NAV2: variants seen among roughly 807,000 people sequenced by gnomAD.
NAV2 encodes the protein neuron navigator 2.
NAV2 carries 54 observed loss-of-function variants against 223.2 expected under a neutral mutation model. The observed-to-expected ratio is 0.24, with a 90% confidence interval of 0.19 to 0.30. The LOEUF (loss-of-function observed/expected upper bound fraction) is 0.30, where lower values mean the gene tolerates loss of function less well. Ranked by LOEUF, NAV2 falls within the 10% of genes least tolerant of loss-of-function variation. The pLI is 1.00. For missense variants in NAV2, 2,806 were observed against 3,147.5 expected (o/e 0.89, Z 2.60); for synonymous variants, 1,279 against 1,239.3 (o/e 1.03, Z -0.67).
In NAV2 at chr11:19,984,107, C is replaced by T. The variant is rs546423476; in HGVS notation, c.2646-18C>T. 70 of 1,613,890 alleles carry T rather than the reference C, an allele frequency of 4.3e-5. 2 individuals are homozygous for T. The South Asian group carries it at 7.2e-4, about 17-fold the overall frequency. On this transcript the variant is annotated intron_variant, in intron 10 of 37. Coordinates refer to ENST00000349880, the MANE Select transcript of NAV2 (RefSeq NM_145117.5). The stretch of plus-strand genomic sequence containing the variant: ...TGCTTTGGACATTCATGTGCATCAT[C>T]TTCTTCTCCTTTTAAAGATACATGA...
chr11:20,022,156 C>G (rs538272560), intron 11 of NAV2, among the ~76,000 whole-genome samples: 1 of 152,198 alleles, frequency 6.6e-6, no homozygotes. Flanking sequence ...CTTAATCCTT[C>G]GTTTTCAAAT....
intron 1 of NAV2, among the ~76,000 whole-genome samples, chr11:19,399,701 T>A (rs982470451): frequency 6.6e-6 from 1 of 152,248 alleles, no homozygotes; most frequent in Non-Finnish European, 1.5e-5. Flanking sequence ...TCATTTATGA[T>A]GAGAAAACTG....
intron 4 of NAV2, among the ~76,000 whole-genome samples, chr11:19,872,445 G>A (rs2062572259): frequency 6.6e-6 from 1 of 152,242 alleles, no homozygotes; most frequent in South Asian, 2.1e-4. Flanking sequence ...GGCCTGGTGT[G>A]TGCTACTGCA....
At chr11:19,586,113 A>G (rs113371309) in intron 1 of NAV2, among the ~76,000 whole-genome samples, 1,894 of 152,086 alleles carry the variant, frequency 0.012, 27 homozygotes, top group South Asian at 0.04. Flanking sequence ...TTCTCTTCTC[A>G]CTTCATTTCA....
intron 6 of NAV2, among the ~76,000 whole-genome samples, chr11:19,908,974 T>G (rs2043097679): frequency 1.3e-5 from 2 of 152,180 alleles, no homozygotes; most frequent in Admixed American, 1.3e-4. Flanking sequence ...ATGAGGATAC[T>G]AAAAACCATT....
intron 1 of NAV2, among the ~76,000 whole-genome samples, chr11:19,740,293 G>A (rs891365304): frequency 1.3e-5 from 2 of 152,170 alleles, no homozygotes; most frequent in African/African-American, 4.8e-5. Context: ...AACGTGTGCT[G>A]TGTCAACTCA....
rs1249355772 is a variant in NAV2, at chr11:20,119,731, A to C, written c.*1473A>C. 1 of 152,608 alleles carries C rather than the reference A, an allele frequency of 6.6e-6. No homozygotes were observed. Among genetic ancestry groups the C allele is most frequent in the African/African-American group, 2.4e-5 (1 of 41,428 alleles). 9.5% of individuals were successfully genotyped at this position (152,608 alleles called of 1,614,324 possible). A position where few individuals can be genotyped will look rare whatever the true frequency, so the allele number is the denominator to read the frequency against. On this transcript the variant is annotated 3_prime_UTR_variant, in exon 38 of 38. Transcript: ENST00000349880. ...TCCCCATTGAAACAAACAGGGCTAA[A>C]AAGTCATCTGTTCATTAGGAGAACT... is the stretch of plus-strand genomic sequence containing the variant.
intron 26 of NAV2, among the ~76,000 whole-genome samples, chr11:20,084,939 A>G (rs1371220420): frequency 1.3e-5 from 2 of 152,192 alleles, no homozygotes; most frequent in African/African-American, 2.4e-5. Flanking sequence ...CTGTAATCCC[A>G]GCGCTTTGGG....
chr11:19,840,293 T>C (rs2060441372), intron 2 of NAV2, among the ~76,000 whole-genome samples: 2 of 152,232 alleles, frequency 1.3e-5, no homozygotes, highest in South Asian at 4.1e-4. Context: ...AGAGCCATGA[T>C]ATTTAAATTC....
chr11:19,622,060 G>A (rs2047015152), intron 1 of NAV2, among the ~76,000 whole-genome samples: 2 of 152,230 alleles, frequency 1.3e-5, no homozygotes, highest in South Asian at 4.1e-4. Flanking sequence ...ATGTAGTTGA[G>A]TGCTTTTGAG....
intron 22 of NAV2, among the ~76,000 whole-genome samples, chr11:20,073,825 C>T (rs1377023729): frequency 6.6e-6 from 1 of 152,068 alleles, no homozygotes; most frequent in Non-Finnish European, 1.5e-5. Flanking sequence ...ATTCTTTTCT[C>T]TTTTCTTCTG....
At position 20,045,061 on chromosome 11, in the gene NAV2, G is replaced by T; in HGVS notation, c.3293G>T (p.Ser1098Ile). 1 of 1,614,184 alleles carries T rather than the reference G, an allele frequency of 6.2e-7. No individual in the cohort carries two copies. Among genetic ancestry groups the T allele is most frequent in the Middle Eastern group, 1.6e-4 (1 of 6,062 alleles). The change falls in exon 14 of 38, where the codon AGT becomes ATT. Residue 1098 changes from serine to isoleucine, a missense_variant. Physicochemically the swap from Ser to Ile is moderately radical, Grantham distance 142. Coordinates refer to ENST00000349880, the MANE Select transcript of NAV2 (RefSeq NM_145117.5). ...TCCCCATCAGATGCAGGCCGGAGCAGTGGTGACGAATCCAAAAAGCCCCTC... is the reference window on the plus strand; with the variant it reads ...TCCCCATCAGATGCAGGCCGGAGCATTGGTGACGAATCCAAAAAGCCCCTC... Reference protein sequence around the residue: ...KRSPSDAGRSSGDESKKPLPS... With the variant: ...KRSPSDAGRSIGDESKKPLPS...
At chr11:19,957,512 A>G (rs553710757) in intron 10 of NAV2, among the ~76,000 whole-genome samples, 1 of 152,286 alleles carries the variant, frequency 6.6e-6, no homozygotes, top group Non-Finnish European at 1.5e-5. Context: ...TGGCAGATGG[A>G]TGGCTCTGGC....
chr11:19,864,266 C>G (rs1489179392), intron 3 of NAV2, among the ~76,000 whole-genome samples: 1 of 152,200 alleles, frequency 6.6e-6, no homozygotes, highest in Non-Finnish European at 1.5e-5. Context: ...AGAATGTCAT[C>G]TTCCCCTAGG....
At chr11:20,092,418 C>G in intron 28 of NAV2, 50 bp downstream of exon 28, 1 of 1,565,722 alleles carries the variant, frequency 6.4e-7, no homozygotes, top group Non-Finnish European at 8.7e-7. Context: ...CAGCTGGCAC[C>G]CTGATCTCTA....
chr11:19,498,723 A>T (rs1009356892), intron 1 of NAV2, among the ~76,000 whole-genome samples: 10 of 152,092 alleles, frequency 6.6e-5, no homozygotes, highest in African/African-American at 2.2e-4. Flanking sequence ...TACTTACTCA[A>T]ATATTTATTG....
At chr11:19,703,993 G>A (rs61876739) in intron 1 of NAV2, among the ~76,000 whole-genome samples, 17,696 of 151,342 alleles carry the variant, frequency 0.12, 1,307 homozygotes, top group African/African-American at 0.19. Flanking sequence ...CAGACTCACA[G>A]CTTCAGAATC....
chr11:19,768,170 C>T (rs1470628443), intron 1 of NAV2, among the ~76,000 whole-genome samples: 1 of 152,220 alleles, frequency 6.6e-6, no homozygotes, highest in African/African-American at 2.4e-5. Context: ...GAGTGGCTCT[C>T]AGGAAAACAT....
rs75282671 is a variant in NAV2, at chr11:20,107,881, A to G, written c.6960+99A>G. ...CTCCTCCTCCAGGAATCTGACTGAC[A>G]TGGGGTGACAACCCCTCACCTGGGA... On this transcript the variant is annotated intron_variant, in intron 36 of 37. Coordinates refer to ENST00000349880, the MANE Select transcript of NAV2 (RefSeq NM_145117.5). 9.4e-4 allele frequency: 773 copies of G among 826,338 alleles called. 6 individuals are homozygous for G. The African/African-American group carries it at 0.012, about 12-fold the overall frequency. 51.2% of individuals were successfully genotyped at this position (826,338 alleles called of 1,614,324 possible).
Sources: gnomAD v4.1 joint callset for allele counts (sites outside exome capture counted in the v4.1 genomes callset) on GRCh38, gnomAD v4.1.1 for gene constraint, MANE v1.5 for transcripts, NCBI Gene and HGNC (gene_info 2026-07-23, HGNC 2026-07-21) for gene names.